Variants in SEMA3E observed in about 807,000 individuals in gnomAD.
SEMA3E encodes semaphorin 3E.
Under a neutral mutation model 93.6 loss-of-function variants are expected in SEMA3E, and 49 were observed. The observed-to-expected ratio is 0.52, with a 90% CI of 0.42 to 0.66. The LOEUF is 0.66. SEMA3E is among the 30% of genes least tolerant of loss of function. SEMA3E has a pLI of 0.00. For synonymous variants in SEMA3E, 363 were observed against 330.7 expected (o/e 1.10, Z -1.06); for missense variants, 906 against 964.8 (o/e 0.94, Z 0.81).
Position 83,418,458 on chromosome 7 carries a change from G to T in SEMA3E, c.482C>A (p.Pro161His), listed in dbSNP as rs776644269. ...TCTGCCCCTTCCTCTCTCAGATCTG[G>T]GTGATTCCAGGTGAAACAGAGGATC... Reference protein sequence around the residue: ...LEDPLFHLESPRSERGRGRCP... With the variant: ...LEDPLFHLESHRSERGRGRCP... The change falls in exon 5 of 17, where the codon CCC becomes CAC. Residue 161 changes from proline (P) to histidine (H), a missense_variant. Transcript: ENST00000643230. 7.4e-6 allele frequency: 12 copies of T among 1,611,084 alleles called. No homozygotes were observed. In the Admixed American group the frequency reaches 2.0e-4, roughly 27 times the overall value.
At chr7:83,600,319 T>TC (rs1792960079) in intron 1 of SEMA3E, among the ~76,000 whole-genome samples, 1 of 134,072 alleles carries the variant, frequency 7.5e-6, no homozygotes, top group Non-Finnish European at 1.6e-5. Flanking sequence ...AAATATTAAT[T>TC]CTTTTTTTTT....
At chr7:83,427,189 T>G in intron 4 of SEMA3E, among the ~76,000 whole-genome samples, 1 of 152,088 alleles carries the variant, frequency 6.6e-6, no homozygotes, top group Non-Finnish European at 1.5e-5. Flanking sequence ...TCTTCCTTCC[T>G]TCCTTTCCTT....
Position 83,407,099 on chromosome 7 carries a change from C to A in SEMA3E, c.811G>T (p.Val271Leu). 1.2e-6 allele frequency: 2 copies of A among 1,613,442 alleles called. No individual in the cohort carries two copies. The highest frequency in any genetic ancestry group is 1.7e-6 in the Non-Finnish European group (2 of 1,179,740). The change falls in exon 7 of 17, where the codon GTG becomes TTG. Residue 271 changes from valine to leucine, a missense_variant and splice_region_variant. Physicochemically the swap from Val to Leu is conservative, Grantham distance 32. Coordinates refer to ENST00000643230, the MANE Select transcript of SEMA3E (RefSeq NM_012431.3). ...CATAATGAGAGAGAAAGCCTCACCA[C>A]ACAGAGTCGCCCGACCCTGGTGTAA... ...AIYTRVGRLCVNDVGGQRILV... is the reference protein window; with the variant it reads ...AIYTRVGRLCLNDVGGQRILV...
intron 1 of SEMA3E, among the ~76,000 whole-genome samples, chr7:83,504,530 T>C (rs1790656731): frequency 1.3e-5 from 2 of 152,090 alleles, no homozygotes; most frequent in African/African-American, 4.8e-5. Context: ...GGTACGTGGG[T>C]TCTCTTTAGA....
At chr7:83,492,066 G>A (rs1002546573) in intron 1 of SEMA3E, among the ~76,000 whole-genome samples, 1 of 151,980 alleles carries the variant, frequency 6.6e-6, no homozygotes, top group Non-Finnish European at 1.5e-5. Context: ...TATTCCAATA[G>A]TTTGCAACAT....
chr7:83,636,623 C>G (rs1793887623), intron 1 of SEMA3E, among the ~76,000 whole-genome samples: 1 of 152,048 alleles, frequency 6.6e-6, no homozygotes, highest in Non-Finnish European at 1.5e-5. Flanking sequence ...TACAAAAAAT[C>G]TGAAAATTCC....
At chr7:83,399,150 G>A (rs1417477990) in intron 11 of SEMA3E, among the ~76,000 whole-genome samples, 1 of 152,076 alleles carries the variant, frequency 6.6e-6, no homozygotes, top group African/African-American at 2.4e-5. Flanking sequence ...CTTCTCTAAA[G>A]ATCAACTACT....
intron 16 of SEMA3E, among the ~76,000 whole-genome samples, chr7:83,377,586 T>C (rs1787673661): frequency 6.6e-6 from 1 of 151,988 alleles, no homozygotes; most frequent in African/African-American, 2.4e-5. Context: ...TTTAAATAAT[T>C]GTCAGGTTCA....
At chr7:83,391,460 A>G (rs1034754104) in intron 14 of SEMA3E, among the ~76,000 whole-genome samples, 1 of 152,176 alleles carries the variant, frequency 6.6e-6, no homozygotes, top group Non-Finnish European at 1.5e-5. Context: ...TTATGTGACT[A>G]TATTCTTCAA....
At chr7:83,572,802 C>T (rs1413389216) in intron 1 of SEMA3E, among the ~76,000 whole-genome samples, 1 of 152,014 alleles carries the variant, frequency 6.6e-6, no homozygotes, top group Non-Finnish European at 1.5e-5. Flanking sequence ...ATAAATAGTG[C>T]TAGAATAACT....
chr7:83,455,929 G>A (rs911783583), intron 4 of SEMA3E, among the ~76,000 whole-genome samples: 1 of 152,158 alleles, frequency 6.6e-6, no homozygotes, highest in Non-Finnish European at 1.5e-5. Flanking sequence ...CAGAAAGATT[G>A]CAACACCTTG....
At position 83,398,620 on chromosome 7, in the gene SEMA3E, A is replaced by G. The variant is rs565089474; in HGVS notation, c.1366+1408T>C. 7.2e-5 allele frequency among the ~76,000 whole-genome samples: 11 copies of G among 152,306 alleles called. No individual in the cohort carries two copies. The South Asian group carries it at 2.3e-3, about 32-fold the overall frequency. The stretch of plus-strand genomic sequence containing the variant: ...AGATCAATTTCTAAGAATAAGATAG[A>G]TGTTTTCTTTTTTAAATCTTTGTTT... On this transcript the variant is annotated intron_variant, in intron 11 of 16. Coordinates refer to ENST00000643230, the MANE Select transcript of SEMA3E (RefSeq NM_012431.3).
chr7:83,392,651 C>T lies in SEMA3E; in HGVS notation c.1571G>A (p.Ser524Asn), dbSNP rs202067744. The T allele has an allele frequency of 6.2e-7, 1 of 1,613,892 alleles. No individual in the cohort carries two copies. The highest frequency in any genetic ancestry group is 8.5e-7 in the Non-Finnish European group (1 of 1,179,866). Residue 524 changes from serine to asparagine, a missense_variant, in exon 14 of 17, where the codon AGT (serine) becomes AAT (asparagine). Physicochemically the swap from Ser to Asn is conservative, Grantham distance 46. Transcript: ENST00000643230. ...AGCCAGGCAGCAGTCAGCACAAGCA[C>T]TTCCATACATGTCACAGTGATGGAA... ...VRFHHCDMYGSACADCCLARD... is the reference protein window; with the variant it reads ...VRFHHCDMYGNACADCCLARD...
chr7:83,467,257 G>A (rs1055229704), intron 3 of SEMA3E, among the ~76,000 whole-genome samples: 1 of 151,938 alleles, frequency 6.6e-6, no homozygotes, highest in Non-Finnish European at 1.5e-5. Flanking sequence ...TGCAGAAATG[G>A]GGTTTCCCCA....
chr7:83,523,631 G>A (rs1006757008), intron 1 of SEMA3E, among the ~76,000 whole-genome samples: 4 of 151,838 alleles, frequency 2.6e-5, no homozygotes, highest in Non-Finnish European at 5.9e-5. Flanking sequence ...ACTTTCTTGT[G>A]TGTTCTCCCT....
intron 1 of SEMA3E, among the ~76,000 whole-genome samples, chr7:83,539,920 G>A (rs1237163080): frequency 3.8e-5 from 5 of 131,298 alleles, no homozygotes; most frequent in African/African-American, 8.3e-5. Flanking sequence ...TCACTCAGTT[G>A]CCCAGGTTGG....
chr7:83,535,249 T>C (rs1224771939), intron 1 of SEMA3E, among the ~76,000 whole-genome samples: 1 of 152,130 alleles, frequency 6.6e-6, no homozygotes, highest in Admixed American at 6.6e-5. Context: ...TGACTCCACA[T>C]AAATTTGGCT....
intron 9 of SEMA3E, 51 bp from the exon 10 acceptor site, chr7:83,402,827 T>G (rs1280831917): frequency 7.1e-6 from 11 of 1,541,662 alleles, no homozygotes; most frequent in Admixed American, 3.5e-5. Flanking sequence ...CTGCAGGTCA[T>G]CTAGCCAAAT....
chr7:83,580,899 T>A (rs1792506392), intron 1 of SEMA3E, among the ~76,000 whole-genome samples: 1 of 151,982 alleles, frequency 6.6e-6, no homozygotes, highest in Non-Finnish European at 1.5e-5. Flanking sequence ...TCATAGCTAT[T>A]AATATGTTGA....
Sources: gnomAD v4.1 joint callset for allele counts (sites outside exome capture counted in the v4.1 genomes callset) on GRCh38, gnomAD v4.1.1 for gene constraint, MANE v1.5 for transcripts, NCBI Gene and HGNC (gene_info 2026-07-23, HGNC 2026-07-21) for gene names.